Variants in ARHGEF18 observed in about 807,000 individuals in gnomAD.
The protein encoded by ARHGEF18 is Rho/Rac guanine nucleotide exchange factor 18.
In ARHGEF18, 93 loss-of-function variants were observed where a neutral mutation model predicts 155.7. The observed-to-expected ratio is 0.60, with a 90% confidence interval of 0.50 to 0.71. The LOEUF is 0.71. Among genes scored for constraint, ARHGEF18 ranks in the 30% least tolerant of loss-of-function variants. The probability of loss-of-function intolerance (pLI) is 0.00; values close to 1 mark genes in which losing one functional copy is unlikely to be tolerated. For synonymous variants in ARHGEF18, 742 were observed against 753.1 expected (o/e 0.99, Z 0.24); for missense variants, 1,593 against 1,816.1 (o/e 0.88, Z 2.23).
chr19:7,464,513 C>A, intron 22 of ARHGEF18, 47 bp from the exon 23 acceptor site: 2 of 1,569,120 alleles, frequency 1.3e-6, no homozygotes, highest in African/African-American at 2.7e-5. Context: ...GCTTCCCCCT[C>A]CCCACGGGAT....
At chr19:7,469,272 T>TG in intron 27 of ARHGEF18, 141 bp downstream of exon 27, 1 of 1,114,152 alleles carries the variant, frequency 9.0e-7, no homozygotes, top group Non-Finnish European at 1.2e-6. Context: ...GCATCGTGGC[T>TG]GAGGCCACCC....
chr19:7,356,488 G>A (rs1011194123), intron 1 of ARHGEF18, among the ~76,000 whole-genome samples: 1 of 151,868 alleles, frequency 6.6e-6, no homozygotes, highest in African/African-American at 2.4e-5. Context: ...TGATCAGGCT[G>A]GTCTCGAACT....
chr19:7,404,476 T>A (rs1972189771), intron 10 of ARHGEF18, among the ~76,000 whole-genome samples: 1 of 148,988 alleles, frequency 6.7e-6, no homozygotes, highest in Non-Finnish European at 1.5e-5. Flanking sequence ...TTTTTTTTTT[T>A]TGAGATGGAG....
chr19:7,444,270 C>T lies in ARHGEF18; in HGVS notation c.1427C>T (p.Ala476Val), dbSNP rs775610208. 4 of 1,613,578 alleles carry T rather than the reference C, an allele frequency of 2.5e-6. No individual in the cohort carries two copies. The highest frequency in any genetic ancestry group is 3.4e-6 in the Non-Finnish European group (4 of 1,180,042). Reference sequence around the variant, plus strand: ...ATCATGCTGAAGGTGTACTCCAGGGCCCTGCAGGAGGAGCTGCAGTTCAGC... The same window carrying T: ...ATCATGCTGAAGGTGTACTCCAGGGTCCTGCAGGAGGAGCTGCAGTTCAGC... ...LKIMLKVYSR[A>V]LQEELQFSSK... The change falls in exon 14 of 29, where the codon GCC (alanine) becomes GTC (valine). Residue 476 changes from alanine to valine, a missense_variant. Ala to Val is a moderately conservative substitution (Grantham distance 64). Transcript: ENST00000668164. This position sits in a 1 kb window ranked among gnomAD's most constrained non-coding sequence, Gnocchi z 4.7.
intron 10 of ARHGEF18, among the ~76,000 whole-genome samples, chr19:7,423,577 C>G (rs1973482750): frequency 6.6e-6 from 1 of 151,724 alleles, no homozygotes; most frequent in Admixed American, 6.6e-5. Flanking sequence ...AATGCATGGC[C>G]GTAATCCCAG....
At chr19:7,425,340 G>A (rs1418560350) in intron 10 of ARHGEF18, among the ~76,000 whole-genome samples, 4 of 152,164 alleles carry the variant, frequency 2.6e-5, no homozygotes, top group East Asian at 1.9e-4. Flanking sequence ...AAAAAGGTGG[G>A]GGTCTCCCCC....
At chr19:7,385,502 G>A (rs1970962875) in intron 10 of ARHGEF18, among the ~76,000 whole-genome samples, 1 of 148,784 alleles carries the variant, frequency 6.7e-6, no homozygotes, top group Non-Finnish European at 1.5e-5. Flanking sequence ...TTGAGACGGA[G>A]TCCCACTCTG....
intron 10 of ARHGEF18, among the ~76,000 whole-genome samples, chr19:7,402,341 C>T (rs746300359): frequency 6.6e-6 from 1 of 152,154 alleles, no homozygotes; most frequent in Non-Finnish European, 1.5e-5. Flanking sequence ...ATTGCCTGAA[C>T]CCCAGAGACG....
At position 7,444,527 on chromosome 19, in the gene ARHGEF18, C is replaced by G; in HGVS notation, c.1611+73C>G. ...GTCTCTGTTCCTTTCTTCTTTTTTT[C>G]TGAGATAGGGTCTTGCCGTGTCGCC... On this transcript the variant is annotated intron_variant, in intron 14 of 28. Transcript: ENST00000668164. This position sits in a 1 kb window ranked among gnomAD's most constrained non-coding sequence, Gnocchi z 4.7. The G allele has an allele frequency of 6.4e-7, 1 of 1,565,478 alleles. No homozygotes were observed. The highest frequency in any genetic ancestry group is 8.6e-7 in the Non-Finnish European group (1 of 1,157,694).
At chr19:7,465,999 G>A (rs558476768) in intron 23 of ARHGEF18, among the ~76,000 whole-genome samples, 8 of 151,664 alleles carry the variant, frequency 5.3e-5, no homozygotes, top group African/African-American at 1.7e-4. Flanking sequence ...TGGGAGAATC[G>A]CTTGAACCTA....
chr19:7,426,957 GAGTCTCA>G (rs1973703288), intron 10 of ARHGEF18, among the ~76,000 whole-genome samples: 1 of 152,194 alleles, frequency 6.6e-6, no homozygotes, highest in Non-Finnish European at 1.5e-5. Flanking sequence ...AGAGCCTTCT[GAGTCTCA>G]GAGAAAGTTA....
At chr19:7,464,799 G>A in intron 23 of ARHGEF18, 109 bp downstream of exon 23, 1 of 1,420,236 alleles carries the variant, frequency 7.0e-7, no homozygotes, top group South Asian at 1.3e-5. Flanking sequence ...GCATCGACAA[G>A]CATTGTTTGT....
At chr19:7,397,687 C>T (rs993383797) in intron 10 of ARHGEF18, among the ~76,000 whole-genome samples, 3 of 151,440 alleles carry the variant, frequency 2.0e-5, no homozygotes, top group South Asian at 2.1e-4. Flanking sequence ...GAGCCGAGAT[C>T]GTGCCACTGC....
chr19:7,395,776 C>T lies in ARHGEF18; in HGVS notation c.967+12573C>T, dbSNP rs1385742769. On this transcript the variant is annotated intron_variant, in intron 10 of 28. Coordinates refer to ENST00000668164, the MANE Select transcript of ARHGEF18 (RefSeq NM_001367823.1). The surrounding 1 kb of genome is among the most constrained non-coding windows in gnomAD (Gnocchi z 5.0). ...TTCTTGTATAAGAACTCAGTTGGTG[C>T]TTTCATTGCGGACGGGAACGAGAAG... 6.6e-6 allele frequency among the ~76,000 whole-genome samples: 1 copy of T among 152,182 alleles called. No individual in the cohort carries two copies. The highest frequency in any genetic ancestry group is 1.5e-5 in the Non-Finnish European group (1 of 68,026).
chr19:7,467,649 GCGCCAGGCGCGCTGC>G lies in ARHGEF18; in HGVS notation c.3450_3464del (p.Gly1151_Pro1155del). The G allele has an allele frequency of 6.6e-7, 1 of 1,514,852 alleles. No individual in the cohort carries two copies. Among genetic ancestry groups the G allele is most frequent in the Non-Finnish European group, 8.8e-7 (1 of 1,139,166 alleles). The allele number at this position is 1,514,852 out of a possible 1,614,324, so 93.8% of individuals were successfully genotyped here. On this transcript the variant is annotated inframe_deletion, in exon 26 of 29. Coordinates refer to ENST00000668164, the MANE Select transcript of ARHGEF18 (RefSeq NM_001367823.1). ...GCGCCGCCTCAAGAAGCAGAACACC[GCGCCAGGCGCGCTGC>G]CGCCCGACACACTGGCCGAGGTGAG...
chr19:7,420,074 G>C (rs930301739), intron 10 of ARHGEF18, among the ~76,000 whole-genome samples: 5 of 152,042 alleles, frequency 3.3e-5, no homozygotes, highest in Non-Finnish European at 4.4e-5. Context: ...GACAGCCTCA[G>C]GCCAGCTGAG....
At chr19:7,437,075 A>G (rs1974307014) in intron 10 of ARHGEF18, among the ~76,000 whole-genome samples, 1 of 152,160 alleles carries the variant, frequency 6.6e-6, no homozygotes, top group Admixed American at 6.6e-5. Context: ...TCTGCCAGAA[A>G]ATCTCTAACA....
chr19:7,354,713 C>A (rs1297770121), intron 1 of ARHGEF18, among the ~76,000 whole-genome samples: 1 of 144,228 alleles, frequency 6.9e-6, no homozygotes, highest in Non-Finnish European at 1.6e-5. Flanking sequence ...CCAGCCTGGG[C>A]AACATAGTGA....
In ARHGEF18 at chr19:7,462,753, A is replaced by T. The variant is rs543342421; in HGVS notation, c.2635+419A>T. Among the ~76,000 whole-genome samples, 1 of 151,882 alleles carries T rather than the reference A, an allele frequency of 6.6e-6. No individual in the cohort carries two copies. The highest frequency in any genetic ancestry group is 1.5e-5 in the Non-Finnish European group (1 of 67,984). On this transcript the variant is annotated intron_variant, in intron 21 of 28. Transcript: ENST00000668164. This position sits in a 1 kb window ranked among gnomAD's most constrained non-coding sequence, Gnocchi z 4.4. ...ACTCCCTCAGTGGGTCCCCACGCAC[A>T]GCTCTAACACAGCCGCCAGGCCCCT...
Sources: allele counts gnomAD v4.1 joint callset (sites outside exome capture counted in the v4.1 genomes callset), GRCh38; gene constraint gnomAD v4.1.1; non-coding constraint Gnocchi (gnomAD v3.1); transcripts MANE v1.5; gene names NCBI Gene and HGNC (gene_info 2026-07-23, HGNC 2026-07-21).